Variants in PIEZO2 observed in about 807,000 individuals in gnomAD.
PIEZO2 encodes the protein piezo type mechanosensitive ion channel component 2, also known as piezo-type mechanosensitive ion channel component 2.
Under a neutral mutation model 337.3 loss-of-function variants are expected in PIEZO2, and 172 were observed. The ratio of observed to expected loss-of-function variants is 0.51; its 90% CI spans 0.45 to 0.58. The LOEUF (loss-of-function observed/expected upper bound fraction) is 0.58, where lower values mean the gene tolerates loss of function less well. PIEZO2 is among the 20% of genes least tolerant of loss of function. The pLI is 0.00. For missense variants in PIEZO2, 3,028 were observed against 3,391.3 expected, an observed-to-expected ratio of 0.89 and a Z score of 2.66; for synonymous variants, 1,251 against 1,228.5, an observed-to-expected ratio of 1.02 and a Z score of -0.38.
In PIEZO2 at chr18:10,872,242, A is replaced by T. The variant is rs1598611285; in HGVS notation, c.330-827T>A. Among the ~76,000 whole-genome samples, 1 of 152,210 alleles carries T rather than the reference A, an allele frequency of 6.6e-6. No homozygotes were observed. The highest frequency in any genetic ancestry group is 2.1e-4 in the South Asian group (1 of 4,834). ...CAATTGACACTTAGATAATTTTCAC[A>T]CATATAGGGCATTTTTGTTATAATT... On this transcript the variant is annotated intron_variant, in intron 4 of 55. Transcript: ENST00000674853. This position sits in a 1 kb window ranked among gnomAD's most constrained non-coding sequence, Gnocchi z 4.3.
At position 10,724,779 on chromosome 18, in the gene PIEZO2, C is replaced by A; in HGVS notation, c.5030-6520G>T. 6.3e-7 allele frequency: 1 copy of A among 1,580,144 alleles called. No homozygotes were observed. Among genetic ancestry groups the A allele is most frequent in the Non-Finnish European group, 8.6e-7 (1 of 1,160,936 alleles). ...CCTTGCCCGTGGCTCTGGCAGTCCCCCCAGCACTGCAGCCCCAGCCTGAGC... is the reference window on the plus strand; with the variant it reads ...CCTTGCCCGTGGCTCTGGCAGTCCCACCAGCACTGCAGCCCCAGCCTGAGC... On this transcript the variant is annotated intron_variant, in intron 36 of 55. Transcript: ENST00000674853. The surrounding 1 kb of genome is among the most constrained non-coding windows in gnomAD (Gnocchi z 5.8).
Position 10,799,036 on chromosome 18 carries a change from A to G in PIEZO2, c.1378+1301T>C, listed in dbSNP as rs552104477. ...ACCTTACTGCGGAATGTCAGATAAT[A>G]TGACTAACCAGTTGTACAGTTAAGT... On this transcript the variant is annotated intron_variant, in intron 11 of 55. Transcript: ENST00000674853. Among the ~76,000 whole-genome samples the G allele has an allele frequency of 5.3e-5, 8 of 152,298 alleles. No individual in the cohort carries two copies. In the South Asian group the frequency reaches 1.7e-3, roughly 32 times the overall value.
chr18:11,131,585 T>C lies in PIEZO2; in HGVS notation c.64+16940A>G, dbSNP rs1020171132. On this transcript the variant is annotated intron_variant, in intron 1 of 55. Coordinates refer to ENST00000674853, the MANE Select transcript of PIEZO2 (RefSeq NM_001378183.1). The surrounding 1 kb of genome is among the most constrained non-coding windows in gnomAD (Gnocchi z 5.3). ...TCCCAGTGGGCAGAACTTCGAGCCA[T>C]GCACCTGGCTGTGCACGTTGCATGG... is the stretch of plus-strand genomic sequence containing the variant. Among the ~76,000 whole-genome samples the C allele has an allele frequency of 5.3e-5, 8 of 152,214 alleles. No homozygotes were observed. The highest frequency in any genetic ancestry group is 7.3e-5 in the Non-Finnish European group (5 of 68,040).
At chr18:10,886,126 G>C (rs550815371) in intron 4 of PIEZO2, among the ~76,000 whole-genome samples, 6 of 150,538 alleles carry the variant, frequency 4.0e-5, no homozygotes, top group Non-Finnish European at 7.4e-5. Flanking sequence ...AACCAAGCAA[G>C]TGGAAGCTCA....
Position 10,671,568 on chromosome 18 carries a change from G to T in PIEZO2, c.8557C>A (p.Pro2853Thr). 6.2e-7 allele frequency: 1 copy of T among 1,613,556 alleles called. No homozygotes were observed. Among genetic ancestry groups the T allele is most frequent in the Non-Finnish European group, 8.5e-7 (1 of 1,179,756 alleles). ...YAKLIFLYRSPETMIKWTREK... is the reference protein window; with the variant it reads ...YAKLIFLYRSTETMIKWTREK... ...CTAGTCCATTTGATCATTGTCTCTGGTGAGCGATATAGGAATATTAATTTG... is the reference window on the plus strand; with the variant it reads ...CTAGTCCATTTGATCATTGTCTCTGTTGAGCGATATAGGAATATTAATTTG... Residue 2853 changes from proline to threonine, a missense_variant, in exon 56 of 56, where the codon CCA (proline) becomes ACA (threonine). This residue lies in a region of PIEZO2 where 332 missense variants were observed against 363.8 expected (regional missense o/e 0.91). Transcript: ENST00000674853.
At chr18:10,986,583 A>C (rs908805794) in intron 2 of PIEZO2, among the ~76,000 whole-genome samples, 1 of 151,964 alleles carries the variant, frequency 6.6e-6, no homozygotes, top group South Asian at 2.1e-4. Context: ...CCTTAACACA[A>C]CGAAAACCAT....
At chr18:10,749,242 T>A (rs918470328) in intron 29 of PIEZO2, among the ~76,000 whole-genome samples, 1 of 152,150 alleles carries the variant, frequency 6.6e-6, no homozygotes, top group Non-Finnish European at 1.5e-5. Flanking sequence ...GGAGGATTGC[T>A]TGAGGCCAGG....
At position 11,018,269 on chromosome 18, in the gene PIEZO2, A is replaced by G. The variant is rs2036192169; in HGVS notation, c.161-38609T>C. On this transcript the variant is annotated intron_variant, in intron 2 of 55. Transcript: ENST00000674853. ...TTCTCTCTTCTTAAGACACAGGCAT[A>G]TTGAATTAATGGCCCACACTACTCC... 2.0e-5 allele frequency among the ~76,000 whole-genome samples: 3 copies of G among 149,638 alleles called. No individual in the cohort carries two copies. In the South Asian group the frequency reaches 6.3e-4, roughly 32 times the overall value.
In PIEZO2 at chr18:11,027,619, T is replaced by C. The variant is rs1390451215; in HGVS notation, c.160+38508A>G. On this transcript the variant is annotated intron_variant, in intron 2 of 55. Transcript: ENST00000674853. This position sits in a 1 kb window ranked among gnomAD's most constrained non-coding sequence, Gnocchi z 4.2. ...GTAGAAAATTTAATTTAAATAACTG[T>C]CTTAGGTAACTGGGTTGATGAACAA... Among the ~76,000 whole-genome samples the C allele has an allele frequency of 1.3e-5, 2 of 152,300 alleles. No individual in the cohort carries two copies. The highest frequency in any genetic ancestry group is 2.9e-5 in the Non-Finnish European group (2 of 68,020).
chr18:11,068,721 T>C (rs938732737), intron 1 of PIEZO2, among the ~76,000 whole-genome samples: 2 of 151,888 alleles, frequency 1.3e-5, no homozygotes, highest in East Asian at 1.9e-4. Flanking sequence ...AGAAAACCAA[T>C]AGAAAAGGCC....
In PIEZO2 at chr18:10,767,287, ACTT is replaced by A. The variant is rs911116529; in HGVS notation, c.2946+2858_2946+2860del. 1.6e-4 allele frequency among the ~76,000 whole-genome samples: 24 copies of A among 152,286 alleles called. No individual in the cohort carries two copies. The highest frequency in any genetic ancestry group is 3.4e-3 in the Middle Eastern group (1 of 294). ...AGGTTTCTCTGTTTCTTTTCCAGCA[ACTT>A]CTTCTTTTTCAGATGCTTCATGATG... On this transcript the variant is annotated intron_variant, in intron 21 of 55. Transcript: ENST00000674853. This position sits in a 1 kb window ranked among gnomAD's most constrained non-coding sequence, Gnocchi z 4.2.
At chr18:10,764,046 A>G (rs1030515327) in intron 21 of PIEZO2, among the ~76,000 whole-genome samples, 1 of 151,962 alleles carries the variant, frequency 6.6e-6, no homozygotes, top group Non-Finnish European at 1.5e-5. Context: ...CTCAGCTTGA[A>G]CCTGTTGACT....
chr18:10,854,068 A>AT lies in PIEZO2; in HGVS notation c.917+1284dup, dbSNP rs992836171. Among the ~76,000 whole-genome samples the AT allele has an allele frequency of 3.4e-4, 51 of 150,246 alleles. No homozygotes were observed. The East Asian group carries it at 6.2e-3, about 18-fold the overall frequency. ...CTATGCAGGCCTCTTTTCCATGCTGATTTTTTTTTTAAAGACCCATTCATT... is the reference window on the plus strand; with the variant it reads ...CTATGCAGGCCTCTTTTCCATGCTGATTTTTTTTTTTAAAGACCCATTCATT... On this transcript the variant is annotated intron_variant, in intron 7 of 55. Transcript: ENST00000674853. This position sits in a 1 kb window ranked among gnomAD's most constrained non-coding sequence, Gnocchi z 4.6.
intron 2 of PIEZO2, among the ~76,000 whole-genome samples, chr18:11,051,608 A>G (rs548418612): frequency 2.6e-5 from 4 of 152,190 alleles, no homozygotes; most frequent in Non-Finnish European, 5.9e-5. Flanking sequence ...ATTCACAAAG[A>G]TAGCTTGTTG....
chr18:10,890,729 G>A (rs148258029), intron 4 of PIEZO2: 151 of 151,634 alleles, frequency 1.0e-3, no homozygotes, highest in African/African-American at 3.5e-3. Flanking sequence ...TGGGAACTAC[G>A]GCTCAAGATG....
chr18:10,909,863 C>T (rs944984133), intron 4 of PIEZO2, among the ~76,000 whole-genome samples: 16 of 152,106 alleles, frequency 1.1e-4, no homozygotes, highest in African/African-American at 2.9e-4. Context: ...ATCAACTTCC[C>T]GCAATACCTT....
rs57799043 is a variant in PIEZO2, at chr18:10,690,108, TACGAG to T, written c.7350-311_7350-307del. The stretch of plus-strand genomic sequence containing the variant: ...TTCTTTCACATTTATTTGTTCATGT[TACGAG>T]ACCCTTGGCCATGCGGTGCTGAATG... On this transcript the variant is annotated intron_variant, in intron 48 of 55. Coordinates refer to ENST00000674853, the MANE Select transcript of PIEZO2 (RefSeq NM_001378183.1). Among the ~76,000 whole-genome samples the T allele has an allele frequency of 0.29, 43,995 of 152,056 alleles. 6,725 individuals carry two copies. Among genetic ancestry groups the T allele is most frequent in the Non-Finnish European group, 0.35 (23,945 of 67,928 alleles).
rs1460475058 is a variant in PIEZO2 at position 11,122,413 on chromosome 18, C to G, written c.64+26112G>C. Among the ~76,000 whole-genome samples the G allele has an allele frequency of 5.3e-5, 8 of 152,176 alleles. No homozygotes were observed. The South Asian group carries it at 1.2e-3, about 24-fold the overall frequency. ...TTGCAAATGACAATGAATATCATCA[C>G]TAAGAATTTTATTTCACAAATTTTA... On this transcript the variant is annotated intron_variant, in intron 1 of 55. Coordinates refer to ENST00000674853, the MANE Select transcript of PIEZO2 (RefSeq NM_001378183.1).
chr18:10,822,738 A>AAAGAGTGC (rs2040556260), intron 7 of PIEZO2, among the ~76,000 whole-genome samples: 5 of 152,176 alleles, frequency 3.3e-5, no homozygotes, highest in Non-Finnish European at 7.3e-5. Context: ...CAATTTTGTG[A>AAAGAGTGC]ACGCGTTGGG....
Sources: allele counts gnomAD v4.1 joint callset (sites outside exome capture counted in the v4.1 genomes callset), GRCh38; gene constraint gnomAD v4.1.1; regional missense constraint gnomAD v4.1.1; non-coding constraint Gnocchi (gnomAD v3.1); transcripts MANE v1.5; gene names NCBI Gene and HGNC (gene_info 2026-07-23, HGNC 2026-07-21).